Variants in EHHADH observed in about 807,000 individuals in gnomAD.
EHHADH encodes the protein peroxisomal bifunctional enzyme.
Under a neutral mutation model 64.4 loss-of-function variants are expected in EHHADH, and 48 were observed. The observed-to-expected ratio is 0.75, with a 90% confidence interval of 0.59 to 0.95. The LOEUF (loss-of-function observed/expected upper bound fraction) is 0.95. Ranked by LOEUF, EHHADH falls within the 40% of genes least tolerant of loss-of-function variation. The pLI is 0.00. For missense variants in EHHADH, 854 were observed against 876.6 expected (o/e 0.97, Z 0.33); for synonymous variants, 308 against 326.7 (o/e 0.94, Z 0.62).
At chr3:185,245,370 T>C (rs776668584) in intron 2 of EHHADH, 38 of 417,982 alleles carry the variant, frequency 9.1e-5, no homozygotes, top group Non-Finnish European at 1.4e-4. Flanking sequence ...TTTTTTATCT[T>C]GCTTTTAATA....
chr3:185,253,244 A>G (rs1158414035), intron 1 of EHHADH: 1 of 151,300 alleles, frequency 6.6e-6, no homozygotes, highest in Non-Finnish European at 1.5e-5. Context: ...ATTAAAAAAA[A>G]AAAAAAAAAA....
At chr3:185,214,699 T>C (rs1718637279) in intron 5 of EHHADH, among the ~76,000 whole-genome samples, 1 of 152,216 alleles carries the variant, frequency 6.6e-6, no homozygotes, top group Non-Finnish European at 1.5e-5. Context: ...TTCTTCTTAA[T>C]ACTATATGTA....
At chr3:185,212,764 G>A (rs1718577460) in intron 5 of EHHADH, among the ~76,000 whole-genome samples, 1 of 152,132 alleles carries the variant, frequency 6.6e-6, no homozygotes. Context: ...TCACAAGGTT[G>A]TGCAACCATA....
intron 3 of EHHADH, among the ~76,000 whole-genome samples, chr3:185,233,320 T>C (rs1232367583): frequency 1.3e-5 from 2 of 152,074 alleles, no homozygotes; most frequent in African/African-American, 4.8e-5. Flanking sequence ...TTAATTGTAA[T>C]CACCAAGTTA....
chr3:185,192,738 C>T lies in EHHADH; in HGVS notation c.1660G>A (p.Gly554Ser), dbSNP rs1176167197. The T allele has an allele frequency of 6.2e-7, 1 of 1,614,106 alleles. No individual in the cohort carries two copies. The highest frequency in any genetic ancestry group is 1.1e-5 in the South Asian group (1 of 91,086). Residue 554 changes from glycine to serine, a missense_variant, in exon 7 of 7, where the codon GGT becomes AGT. Gly to Ser is a moderately conservative substitution (Grantham distance 56). Transcript: ENST00000231887. Reference protein sequence around the residue: ...LLPGTPARKRGNRRYCPIPDV... With the variant: ...LLPGTPARKRSNRRYCPIPDV... The stretch of plus-strand genomic sequence containing the variant: ...GGAATTGGGCAGTACCTCCTATTAC[C>T]CCTTTTTCGGGCAGGAGTTCCTGGA...
At chr3:185,220,087 A>G (rs1157995558) in intron 4 of EHHADH, among the ~76,000 whole-genome samples, 1 of 152,154 alleles carries the variant, frequency 6.6e-6, no homozygotes, top group Non-Finnish European at 1.5e-5. Context: ...CAAACACAAA[A>G]TGGGACATGG....
In EHHADH at chr3:185,218,349, C is replaced by A. The variant is rs985576203; in HGVS notation, c.464-109G>T. 32 of 618,832 alleles carry A rather than the reference C, an allele frequency of 5.2e-5. No homozygotes were observed. The Admixed American group carries it at 8.5e-4, about 17-fold the overall frequency. The allele number at this position is 618,832 out of a possible 1,614,324, so 38.3% of individuals were successfully genotyped here. A position where few individuals can be genotyped will look rare whatever the true frequency, so the allele number is the denominator to read the frequency against. ...AGGCTGTCTGTCTGGATATAAATAT[C>A]TATTATTGAATAAAATAAGTAAGAA... On this transcript the variant is annotated intron_variant, in intron 4 of 6. Transcript: ENST00000231887.
intron 4 of EHHADH, among the ~76,000 whole-genome samples, chr3:185,220,832 T>C (rs1343079243): frequency 6.6e-6 from 1 of 152,242 alleles, no homozygotes; most frequent in Non-Finnish European, 1.5e-5. Context: ...ATTTTCTTGA[T>C]AGCTTCTTTT....
intron 6 of EHHADH, among the ~76,000 whole-genome samples, chr3:185,198,926 A>T (rs1718150709): frequency 6.9e-6 from 1 of 144,510 alleles, no homozygotes. Context: ...ATTTCAATTA[A>T]ACTGTTATTA....
chr3:185,205,702 C>CT (rs1471563022), intron 5 of EHHADH, among the ~76,000 whole-genome samples: 2 of 152,090 alleles, frequency 1.3e-5, no homozygotes, highest in African/African-American at 4.8e-5. Context: ...AACAACTTTC[C>CT]TGCCTTACTG....
intron 5 of EHHADH, among the ~76,000 whole-genome samples, chr3:185,208,211 C>T (rs766554149): frequency 1.1e-4 from 16 of 152,206 alleles, no homozygotes; most frequent in Non-Finnish European, 2.2e-4. Context: ...AGGCTTTCAG[C>T]CCACAGTCAG....
intron 1 of EHHADH, 90 bp from the exon 2 acceptor site, chr3:185,248,607 A>T: frequency 1.1e-6 from 1 of 882,824 alleles, no homozygotes; most frequent in Non-Finnish European, 1.8e-6. Context: ...TGAAAAATTA[A>T]ACACACACAT....
At chr3:185,234,420 G>A (rs1719225017) in intron 3 of EHHADH, among the ~76,000 whole-genome samples, 2 of 152,218 alleles carry the variant, frequency 1.3e-5, no homozygotes, top group African/African-American at 4.8e-5. Flanking sequence ...TACTGCATGA[G>A]CACTGCATCA....
intron 6 of EHHADH, among the ~76,000 whole-genome samples, chr3:185,199,365 T>C (rs1027686497): frequency 6.6e-6 from 1 of 152,184 alleles, no homozygotes; most frequent in African/African-American, 2.4e-5. Context: ...TGTGAGTAAC[T>C]GTGGTCAATG....
intron 6 of EHHADH, among the ~76,000 whole-genome samples, chr3:185,197,278 T>C (rs1718088545): frequency 6.6e-6 from 1 of 152,230 alleles, no homozygotes; most frequent in Admixed American, 6.5e-5. Context: ...ATGCTTACTA[T>C]GCATTTTCTG....
In EHHADH at chr3:185,192,844, A is replaced by G. The variant is rs749900492; in HGVS notation, c.1554T>C (p.Pro518=). The G allele has an allele frequency of 2.5e-6, 4 of 1,614,140 alleles. No individual in the cohort carries two copies. In the South Asian group the frequency reaches 4.4e-5, roughly 18 times the overall value. The part of the protein sequence containing the change: ...VLEEFGFKMG[P]FRVSDLAGLD... ...ACCCAGCAAGATCAGACACTCTAAA[A>G]GGTCCCATTTTAAAACCAAACTCTT... Residue 518 remains proline (P), a synonymous_variant, in exon 7 of 7, where the codon CCT becomes CCC. Transcript: ENST00000231887.
chr3:185,213,495 G>C (rs1055812889), intron 5 of EHHADH, among the ~76,000 whole-genome samples: 5 of 152,130 alleles, frequency 3.3e-5, no homozygotes, highest in Non-Finnish European at 7.3e-5. Context: ...TATATTTAAT[G>C]TAATTAACAT....
In EHHADH at chr3:185,210,634, C is replaced by CA. The variant is rs34709334; in HGVS notation, c.569-5878dup. On this transcript the variant is annotated intron_variant, in intron 5 of 6. Coordinates refer to ENST00000231887, the MANE Select transcript of EHHADH (RefSeq NM_001966.4). ...TGGGCGACAGAGTGAGACTCTGTCT[C>CA]AAAAAAAAAAAAAAAAAGGGAATAT... Among the ~76,000 whole-genome samples, 517 of 82,898 alleles carry CA rather than the reference C, an allele frequency of 6.2e-3. 1 individual carries two copies. Among genetic ancestry groups the CA allele is most frequent in the East Asian group, 0.017 (43 of 2,544 alleles). 54.4% of individuals were successfully genotyped at this position (82,898 alleles called of 152,430 possible).
intron 6 of EHHADH, among the ~76,000 whole-genome samples, chr3:185,195,945 T>A (rs1167428511): frequency 2.6e-5 from 4 of 152,166 alleles, no homozygotes; most frequent in Non-Finnish European, 4.4e-5. Context: ...AAAAAATAAT[T>A]TCAGAAACCC....
Sources: gnomAD v4.1 joint callset for allele counts (sites outside exome capture counted in the v4.1 genomes callset) on GRCh38, gnomAD v4.1.1 for gene constraint, MANE v1.5 for transcripts, NCBI Gene and HGNC (gene_info 2026-07-23, HGNC 2026-07-21) for gene names.